SMAD2: variants seen among roughly 807,000 people sequenced by gnomAD.
SMAD2 encodes the protein SMAD family member 2, also known as MAD homolog 2.
In SMAD2, 8 loss-of-function variants were observed where a neutral mutation model predicts 64.4. The observed-to-expected ratio is 0.12, with a 90% CI of 0.07 to 0.22. The LOEUF (loss-of-function observed/expected upper bound fraction) is 0.22. SMAD2 is among the 10% of genes least tolerant of loss of function. The pLI, the probability that SMAD2 is intolerant of heterozygous loss-of-function variation, is 1.00. For missense variants in SMAD2, 289 were observed against 561.2 expected (o/e 0.51, Z 4.90); for synonymous variants, 203 against 195.8 (o/e 1.04, Z -0.31).
intron 7 of SMAD2, among the ~76,000 whole-genome samples, chr18:47,850,831 T>G (rs2029953871): frequency 4.0e-5 from 1 of 25,136 alleles, no homozygotes; most frequent in Non-Finnish European, 6.1e-5. Context: ...ATATTATATA[T>G]ATTATGTATA....
Position 47,837,078 on chromosome 18 carries a change from T to C in SMAD2, c.*4749A>G, listed in dbSNP as rs1037591129. 6 of 203,356 alleles carry C rather than the reference T, an allele frequency of 3.0e-5. No homozygotes were observed. The highest frequency in any genetic ancestry group is 1.1e-4 in the African/African-American group (5 of 43,708). The allele number at this position is 203,356 out of a possible 1,614,324, so 12.6% of individuals were successfully genotyped here. ...TCAGAAAAGTTCATAATCTTAAACA[T>C]AATTTATGCCATTTGCCAGTCACAA... On this transcript the variant is annotated 3_prime_UTR_variant, in exon 11 of 11. Coordinates refer to ENST00000262160, the MANE Select transcript of SMAD2 (RefSeq NM_005901.6).
chr18:47,835,707 C>G lies in SMAD2; in HGVS notation c.*6120G>C, dbSNP rs1913354532. On this transcript the variant is annotated 3_prime_UTR_variant, in exon 11 of 11. Coordinates refer to ENST00000262160, the MANE Select transcript of SMAD2 (RefSeq NM_005901.6). The stretch of plus-strand genomic sequence containing the variant: ...CTTTAAAGCCACAGAGAAAGGAAAA[C>G]AATTATGAAATGGAAAATATATAAT... The G allele has an allele frequency of 1.0e-5, 2 of 190,872 alleles. No homozygotes were observed. Among genetic ancestry groups the G allele is most frequent in the Admixed American group, 6.1e-5 (1 of 16,282 alleles). The allele number at this position is 190,872 out of a possible 1,614,324, so 11.8% of individuals were successfully genotyped here.
rs1336141748 is a variant in SMAD2, at chr18:47,827,072, C to T, written c.*14755G>A. ...CTGAGTCAAACTGCATTTTCCATTA[C>T]ATCGGAAATGACCAAGGATTAAAAT... On this transcript the variant is annotated 3_prime_UTR_variant, in exon 11 of 11. Transcript: ENST00000262160. The T allele has an allele frequency of 6.6e-6, 1 of 152,164 alleles. No individual in the cohort carries two copies. Among genetic ancestry groups the T allele is most frequent in the Non-Finnish European group, 1.5e-5 (1 of 68,032 alleles). The allele number at this position is 152,164 out of a possible 1,614,324, so 9.4% of individuals were successfully genotyped here.
chr18:47,905,723 T>C (rs1598872652), intron 1 of SMAD2, among the ~76,000 whole-genome samples: 1 of 152,196 alleles, frequency 6.6e-6, no homozygotes, highest in Non-Finnish European at 1.5e-5. Context: ...CACAAGTGCA[T>C]ACCATCTTCA....
rs1043448802 is a variant in SMAD2, at chr18:47,834,859, A to C, written c.*6968T>G. The C allele has an allele frequency of 1.4e-5, 3 of 221,138 alleles. No individual in the cohort carries two copies. Among genetic ancestry groups the C allele is most frequent in the Non-Finnish European group, 2.7e-5 (3 of 110,430 alleles). 13.7% of individuals were successfully genotyped at this position (221,138 alleles called of 1,614,324 possible). ...TTTTTAGGTGAAAATATTCTATGCCAACTGTTTTCCACAGTCCTGCATTAT... is the reference window on the plus strand; with the variant it reads ...TTTTTAGGTGAAAATATTCTATGCCCACTGTTTTCCACAGTCCTGCATTAT... On this transcript the variant is annotated 3_prime_UTR_variant, in exon 11 of 11. Transcript: ENST00000262160.
chr18:47,843,594 T>C (rs1914186736), intron 10 of SMAD2, among the ~76,000 whole-genome samples: 1 of 152,244 alleles, frequency 6.6e-6, no homozygotes, highest in African/African-American at 2.4e-5. Context: ...ATTAGGTCTA[T>C]TTCCTCAGCT....
intron 1 of SMAD2, among the ~76,000 whole-genome samples, chr18:47,915,582 CCA>C: frequency 6.6e-6 from 1 of 152,100 alleles, no homozygotes; most frequent in Non-Finnish European, 1.5e-5. Context: ...AAAAAAAGTC[CCA>C]CAGTGAAAAG....
chr18:47,845,196 A>G (rs531454249), intron 10 of SMAD2, 144 bp downstream of exon 10: 7 of 823,096 alleles, frequency 8.5e-6, no homozygotes, highest in South Asian at 1.4e-5. Flanking sequence ...TTGAATTTGG[A>G]GGCCTCCAAC....
intron 2 of SMAD2, among the ~76,000 whole-genome samples, chr18:47,877,295 G>T (rs566412860): frequency 6.6e-6 from 1 of 151,926 alleles, no homozygotes; most frequent in East Asian, 1.9e-4. Flanking sequence ...CTTTCCTAAG[G>T]CTCCAGCTCT....
rs1912796910 is a variant in SMAD2, at chr18:47,827,494, CG to C, written c.*14332del. On this transcript the variant is annotated 3_prime_UTR_variant, in exon 11 of 11. Coordinates refer to ENST00000262160, the MANE Select transcript of SMAD2 (RefSeq NM_005901.6). ...GTCTCCCCCCGTCTCCCACTTTCTA[CG>C]GTCTCCCACTTTCCACCGTCTCCCT... The C allele has an allele frequency of 6.6e-6, 1 of 152,352 alleles. No homozygotes were observed. Among genetic ancestry groups the C allele is most frequent in the South Asian group, 2.1e-4 (1 of 4,836 alleles). 9.4% of individuals were successfully genotyped at this position (152,352 alleles called of 1,614,324 possible).
chr18:47,889,987 A>G (rs1036054897), intron 2 of SMAD2, among the ~76,000 whole-genome samples: 5 of 152,218 alleles, frequency 3.3e-5, no homozygotes, highest in African/African-American at 1.2e-4. Flanking sequence ...TAATTTTTAT[A>G]AAGGGACAAA....
intron 2 of SMAD2, among the ~76,000 whole-genome samples, chr18:47,880,381 T>C (rs968667198): frequency 6.6e-6 from 1 of 152,254 alleles, no homozygotes; most frequent in South Asian, 2.1e-4. Context: ...GCACCATTTG[T>C]TGAAAGACTT....
At chr18:47,920,466 T>A (rs1380997150) in intron 1 of SMAD2, among the ~76,000 whole-genome samples, 1 of 152,222 alleles carries the variant, frequency 6.6e-6, no homozygotes, top group Non-Finnish European at 1.5e-5. Flanking sequence ...CATCTCAATT[T>A]CAAGAGCTCA....
In SMAD2 at chr18:47,930,574, AGAGGGGAGGGGAGGG is replaced by A; in HGVS notation, c.-282_-268del. ...CGGGCGCGCGGGAGGGTAGGGGAAGAGAGGGGAGGGGAGGGGAGGAGAGGGAAGGGGAGGGGAGGG... is the reference window on the plus strand; with the variant it reads ...CGGGCGCGCGGGAGGGTAGGGGAAGAGAGGAGAGGGAAGGGGAGGGGAGGG... On this transcript the variant is annotated 5_prime_UTR_variant, in exon 1 of 11. Transcript: ENST00000262160. 7.4e-6 allele frequency: 1 copy of A among 135,160 alleles called. No individual in the cohort carries two copies. The highest frequency in any genetic ancestry group is 3.8e-3 in the Middle Eastern group (1 of 260). The allele number at this position is 135,160 out of a possible 1,614,324, so 8.4% of individuals were successfully genotyped here. A position where few individuals can be genotyped will look rare whatever the true frequency, so the allele number is the denominator to read the frequency against.
At chr18:47,879,495 C>T (rs1232682052) in intron 2 of SMAD2, among the ~76,000 whole-genome samples, 1 of 141,340 alleles carries the variant, frequency 7.1e-6, no homozygotes, top group African/African-American at 2.6e-5. Context: ...ATGTATATGA[C>T]GTGTGTGTGT....
chr18:47,845,077 T>C, intron 10 of SMAD2: 1 of 602,454 alleles, frequency 1.7e-6, no homozygotes, highest in Non-Finnish European at 2.9e-6. Flanking sequence ...GACATAACCC[T>C]TCATATACAC....
At chr18:47,896,377 G>A (rs926180832) in intron 2 of SMAD2, 144 bp downstream of exon 2, 1 of 820,830 alleles carries the variant, frequency 1.2e-6, no homozygotes, top group Non-Finnish European at 2.0e-6. Context: ...AAGTCAGCTA[G>A]CAAAAACAAT....
rs918412777 is a variant in SMAD2 at position 47,826,820 on chromosome 18, C to T, written c.*15007G>A. ...GCAAAGACCTTCAGAGTAACCTTTG[C>T]CTGGTATTCTAGACTGTGCAGATTT... On this transcript the variant is annotated 3_prime_UTR_variant, in exon 11 of 11. Coordinates refer to ENST00000262160, the MANE Select transcript of SMAD2 (RefSeq NM_005901.6). 3.9e-5 allele frequency: 6 copies of T among 152,164 alleles called. No homozygotes were observed. Among genetic ancestry groups the T allele is most frequent in the Non-Finnish European group, 8.8e-5 (6 of 68,036 alleles). 9.4% of individuals were successfully genotyped at this position (152,164 alleles called of 1,614,324 possible).
intron 6 of SMAD2, among the ~76,000 whole-genome samples, chr18:47,853,043 T>A (rs560375888): frequency 6.6e-6 from 1 of 152,234 alleles, no homozygotes; most frequent in East Asian, 1.9e-4. Context: ...TAGAATAAGA[T>A]AGGTCAGGCT....
Sources: gnomAD v4.1 joint callset for allele counts (sites outside exome capture counted in the v4.1 genomes callset) on GRCh38, gnomAD v4.1.1 for gene constraint, MANE v1.5 for transcripts, NCBI Gene and HGNC (gene_info 2026-07-23, HGNC 2026-07-21) for gene names.